Variants in MAST4 observed in about 807,000 individuals in gnomAD.
MAST4 encodes microtubule associated serine/threonine kinase family member 4.
In MAST4, 89 loss-of-function variants were observed where a neutral mutation model predicts 162.7. The observed-to-expected ratio is 0.55, with a 90% CI of 0.46 to 0.65. MAST4 has a LOEUF of 0.65. Among genes scored for constraint, MAST4 ranks in the 30% least tolerant of loss-of-function variants. The pLI, the probability that MAST4 is intolerant of heterozygous loss-of-function variation, is 0.00. For synonymous variants in MAST4, 1,479 were observed against 1,361.1 expected, an observed-to-expected ratio of 1.09 and a Z score of -1.91; for missense variants, 3,153 against 3,374.0, an observed-to-expected ratio of 0.93 and a Z score of 1.62.
At chr5:67,155,581 A>G (rs1218484643) in intron 26 of MAST4, among the ~76,000 whole-genome samples, 7 of 152,126 alleles carry the variant, frequency 4.6e-5, no homozygotes, top group Non-Finnish European at 1.0e-4. Flanking sequence ...TTAAATCCCC[A>G]ATGCATAGGA....
At chr5:66,885,717 T>C (rs1012971723) in intron 3 of MAST4, among the ~76,000 whole-genome samples, 1 of 152,152 alleles carries the variant, frequency 6.6e-6, no homozygotes, top group African/African-American at 2.4e-5. Flanking sequence ...ATAGATTCTC[T>C]AAGTTTTCAT....
chr5:66,609,469 A>G (rs1164127400), intron 1 of MAST4, among the ~76,000 whole-genome samples: 1 of 146,306 alleles, frequency 6.8e-6, no homozygotes, highest in Non-Finnish European at 1.5e-5. Context: ...AGCTCACTGC[A>G]GCCTCTGCCT....
intron 3 of MAST4, among the ~76,000 whole-genome samples, chr5:66,877,990 T>G (rs25835): frequency 3.3e-5 from 5 of 152,092 alleles, no homozygotes; most frequent in African/African-American, 1.2e-4. Flanking sequence ...TACAGTCAGT[T>G]GCTTCTGTTA....
At chr5:67,161,289 A>T (rs1773154369) in intron 27 of MAST4, among the ~76,000 whole-genome samples, 1 of 152,188 alleles carries the variant, frequency 6.6e-6, no homozygotes, top group South Asian at 2.1e-4. Flanking sequence ...GAAATGTAGA[A>T]AAACAAGCAA....
intron 3 of MAST4, among the ~76,000 whole-genome samples, chr5:66,826,937 T>G (rs750312137): frequency 1.3e-5 from 2 of 152,122 alleles, no homozygotes; most frequent in African/African-American, 2.4e-5. Flanking sequence ...GAGGGTGACT[T>G]GAGATAGAAA....
chr5:67,106,299 T>A (rs1190597889), intron 10 of MAST4, among the ~76,000 whole-genome samples: 1 of 152,150 alleles, frequency 6.6e-6, no homozygotes, highest in Non-Finnish European at 1.5e-5. Flanking sequence ...TCCACCTGCC[T>A]ACTGAATATC....
At chr5:66,616,942 A>G (rs149897099) in intron 1 of MAST4, among the ~76,000 whole-genome samples, 23 of 152,360 alleles carry the variant, frequency 1.5e-4, no homozygotes, top group Non-Finnish European at 2.8e-4. Flanking sequence ...GTAATAACAT[A>G]CTATAAAAAC....
intron 1 of MAST4, among the ~76,000 whole-genome samples, chr5:66,636,865 C>A (rs1357785290): frequency 6.6e-6 from 1 of 152,158 alleles, no homozygotes; most frequent in Non-Finnish European, 1.5e-5. Flanking sequence ...TTCCATCTTT[C>A]TCTATGTCCC....
At chr5:67,039,998 T>A (rs1258297698) in intron 4 of MAST4, among the ~76,000 whole-genome samples, 1 of 151,140 alleles carries the variant, frequency 6.6e-6, no homozygotes, top group Non-Finnish European at 1.5e-5. Context: ...TATATATATA[T>A]AATATAAACT....
intron 11 of MAST4, among the ~76,000 whole-genome samples, chr5:67,111,960 G>C (rs1313252384): frequency 6.6e-6 from 1 of 151,986 alleles, no homozygotes; most frequent in Non-Finnish European, 1.5e-5. Context: ...ACAGTACCCA[G>C]GCTTGCTCTG....
chr5:67,009,902 T>G (rs1752474074), intron 4 of MAST4, among the ~76,000 whole-genome samples: 1 of 152,030 alleles, frequency 6.6e-6, no homozygotes, highest in Admixed American at 6.5e-5. Context: ...CTTTGAGAGA[T>G]ATGAAGGATA....
chr5:66,697,038 A>G (rs1354326803), intron 1 of MAST4, among the ~76,000 whole-genome samples: 2 of 152,204 alleles, frequency 1.3e-5, no homozygotes, highest in African/African-American at 4.8e-5. Flanking sequence ...TCTCAAGGAG[A>G]AGCACTTGTG....
intron 1 of MAST4, among the ~76,000 whole-genome samples, chr5:66,637,094 G>A (rs1229726167): frequency 1.3e-5 from 2 of 152,102 alleles, no homozygotes; most frequent in Admixed American, 6.5e-5. Flanking sequence ...AATAATAAAA[G>A]ACATATGATT....
At chr5:66,829,384 A>T (rs1757447463) in intron 3 of MAST4, among the ~76,000 whole-genome samples, 2 of 152,092 alleles carry the variant, frequency 1.3e-5, no homozygotes, top group Admixed American at 6.6e-5. Context: ...AGTTTGCTGT[A>T]ATTTGTTTAT....
intron 1 of MAST4, among the ~76,000 whole-genome samples, chr5:66,701,117 A>G (rs999041935): frequency 6.6e-6 from 1 of 152,194 alleles, no homozygotes; most frequent in African/African-American, 2.4e-5. Flanking sequence ...ATTTTATTGA[A>G]GTCATTACTA....
At chr5:66,800,842 A>G (rs2149696048) in intron 3 of MAST4, among the ~76,000 whole-genome samples, 1 of 152,338 alleles carries the variant, frequency 6.6e-6, no homozygotes, top group South Asian at 2.1e-4. Flanking sequence ...TGTATAAAAA[A>G]TATGAGTTGT....
Position 66,596,807 on chromosome 5 carries a change from A to T in MAST4, c.152A>T (p.Glu51Val), listed in dbSNP as rs776182053. Residue 51 changes from glutamate to valine, a missense_variant, in exon 1 of 29, where the codon GAA (glutamate) becomes GTA (valine). Glu to Val is a moderately radical substitution (Grantham distance 121). Coordinates refer to ENST00000403625, the MANE Select transcript of MAST4 (RefSeq NM_001164664.2). ...TCGGGCTCAGAAACTCTGTCGGAGGAAGGGGAGCCCGGCGGCTTCTCCAGA... is the reference window on the plus strand; with the variant it reads ...TCGGGCTCAGAAACTCTGTCGGAGGTAGGGGAGCCCGGCGGCTTCTCCAGA... Reference protein sequence around the residue: ...SSSGSETLSEEGEPGGFSREH... With the variant: ...SSSGSETLSEVGEPGGFSREH... The T allele has an allele frequency of 7.6e-7, 1 of 1,321,256 alleles. No individual in the cohort carries two copies. The highest frequency in any genetic ancestry group is 2.3e-5 in the South Asian group (1 of 43,066). The allele number at this position is 1,321,256 out of a possible 1,614,324, so 81.8% of individuals were successfully genotyped here. A position where few individuals can be genotyped will look rare whatever the true frequency, so the allele number is the denominator to read the frequency against.
At chr5:66,944,532 A>G (rs936869182) in intron 4 of MAST4, among the ~76,000 whole-genome samples, 1 of 152,154 alleles carries the variant, frequency 6.6e-6, no homozygotes, top group Non-Finnish European at 1.5e-5. Flanking sequence ...CCAGAGTGGC[A>G]TAATAAATCT....
chr5:66,749,058 A>G (rs920131597), intron 1 of MAST4, among the ~76,000 whole-genome samples: 6 of 152,120 alleles, frequency 3.9e-5, no homozygotes, highest in Admixed American at 3.9e-4. Context: ...GGTGTCACTC[A>G]GGAGGGCCAG....
Sources: allele counts gnomAD v4.1 joint callset (sites outside exome capture counted in the v4.1 genomes callset), GRCh38; gene constraint gnomAD v4.1.1; transcripts MANE v1.5; gene names NCBI Gene and HGNC (gene_info 2026-07-23, HGNC 2026-07-21).